Variants in GAN observed in about 807,000 individuals in gnomAD.
The protein encoded by GAN is epididymis secretory sperm binding protein.
In GAN, 48 loss-of-function variants were observed where a neutral mutation model predicts 71.3. That is an observed-to-expected ratio of 0.67 (90% CI 0.53 to 0.86). The LOEUF is 0.86. Among genes scored for constraint, GAN ranks in the 40% least tolerant of loss-of-function variants. GAN has a pLI of 0.00. For synonymous variants in GAN, 386 were observed against 276.8 expected, an observed-to-expected ratio of 1.39 and a Z score of -3.92; for missense variants, 928 against 770.1, an observed-to-expected ratio of 1.21 and a Z score of -2.43.
chr16:81,322,932 T>G (rs567259944), intron 1 of GAN, among the ~76,000 whole-genome samples: 3 of 152,296 alleles, frequency 2.0e-5, no homozygotes, highest in Non-Finnish European at 4.4e-5. Context: ...TCACTAGAAA[T>G]GAAGCCAGAA....
chr16:81,364,834 T>A, intron 7 of GAN, 140 bp from the exon 8 acceptor site: 1 of 837,440 alleles, frequency 1.2e-6, no homozygotes, highest in Non-Finnish European at 2.0e-6. Context: ...GTTGTAATAC[T>A]GAAAAGCACC....
chr16:81,355,640 A>G (rs776645700), intron 3 of GAN, among the ~76,000 whole-genome samples: 2 of 152,142 alleles, frequency 1.3e-5, no homozygotes, highest in Non-Finnish European at 2.9e-5. Context: ...TGGGATTACA[A>G]GTGTGAACCA....
rs200700104 is a variant in GAN at position 81,387,833 on chromosome 16, TAAA to T, written c.*10244_*10246del. On this transcript the variant is annotated 3_prime_UTR_variant, in exon 11 of 11. Transcript: ENST00000648994. ...TCTGTCTCACAAAAAAATAAAAAAT[TAAA>T]AAAAAAGGTCTGCTCAGAAATAGGG... The T allele has an allele frequency of 6.7e-6, 1 of 150,260 alleles. No individual in the cohort carries two copies. Among genetic ancestry groups the T allele is most frequent in the South Asian group, 2.1e-4 (1 of 4,726 alleles). The allele number at this position is 150,260 out of a possible 1,614,324, so 9.3% of individuals were successfully genotyped here. A position where few individuals can be genotyped will look rare whatever the true frequency, so the allele number is the denominator to read the frequency against.
chr16:81,324,622 T>C (rs1909322122), intron 1 of GAN, among the ~76,000 whole-genome samples: 1 of 152,006 alleles, frequency 6.6e-6, no homozygotes, highest in Admixed American at 6.6e-5. Flanking sequence ...TTAGACTGCT[T>C]CCAAAGAAGA....
chr16:81,358,147 G>T (rs1597403507), intron 5 of GAN, among the ~76,000 whole-genome samples: 1 of 152,140 alleles, frequency 6.6e-6, no homozygotes, highest in South Asian at 2.1e-4. Flanking sequence ...CTGCTTTTAA[G>T]AACTACTGGA....
At chr16:81,337,210 A>AG (rs1443936039) in intron 1 of GAN, among the ~76,000 whole-genome samples, 1 of 152,120 alleles carries the variant, frequency 6.6e-6, no homozygotes, top group Non-Finnish European at 1.5e-5. Flanking sequence ...GTAAATGAAG[A>AG]GGCTACACAG....
At chr16:81,344,345 A>G (rs536718068) in intron 1 of GAN, among the ~76,000 whole-genome samples, 3 of 152,340 alleles carry the variant, frequency 2.0e-5, no homozygotes, top group Middle Eastern at 3.4e-3. Context: ...GTCAGGAGGC[A>G]TCACGCTACC....
intron 1 of GAN, among the ~76,000 whole-genome samples, chr16:81,329,535 G>A (rs1909503160): frequency 2.0e-5 from 3 of 152,178 alleles, no homozygotes; most frequent in Admixed American, 2.0e-4. Flanking sequence ...TCAGTCTGCA[G>A]TTAGGCTCAT....
At position 81,384,027 on chromosome 16, in the gene GAN, A is replaced by G. The variant is rs1009207752; in HGVS notation, c.*6431A>G. 3.3e-5 allele frequency: 5 copies of G among 152,218 alleles called. No individual in the cohort carries two copies. The highest frequency in any genetic ancestry group is 9.6e-5 in the African/African-American group (4 of 41,460). The allele number at this position is 152,218 out of a possible 1,614,324, so 9.4% of individuals were successfully genotyped here. A position where few individuals can be genotyped will look rare whatever the true frequency, so the allele number is the denominator to read the frequency against. On this transcript the variant is annotated 3_prime_UTR_variant, in exon 11 of 11. Transcript: ENST00000648994. The stretch of plus-strand genomic sequence containing the variant: ...AACTTGGGTTAAATTTTTTCAAGTT[A>G]TACCAGTCAACTTGGTTTAAATACA...
chr16:81,342,014 C>T (rs187828271), intron 1 of GAN, among the ~76,000 whole-genome samples: 58 of 152,196 alleles, frequency 3.8e-4, no homozygotes, highest in Admixed American at 8.5e-4. Context: ...TTTAAACCAA[C>T]AAAGATCAGA....
Position 81,385,838 on chromosome 16 carries a change from C to G in GAN, c.*8242C>G, listed in dbSNP as rs924421727. On this transcript the variant is annotated 3_prime_UTR_variant, in exon 11 of 11. Coordinates refer to ENST00000648994, the MANE Select transcript of GAN (RefSeq NM_022041.4). ...CCAGGCTGGAGTGCAGTGGCGCCAT[C>G]TCCCAGGCTCAAGGGATCCTCCTGC... is the stretch of plus-strand genomic sequence containing the variant. The G allele has an allele frequency of 1.4e-5, 2 of 144,792 alleles. No individual in the cohort carries two copies. The highest frequency in any genetic ancestry group is 3.0e-5 in the Non-Finnish European group (2 of 67,064). 9.0% of individuals were successfully genotyped at this position (144,792 alleles called of 1,614,324 possible).
rs754295437 is a variant in GAN at position 81,357,901 on chromosome 16, C to T, written c.943C>T (p.Pro315Ser). ...LWIELAPLSM[P>S]RINHGVLSAE... ...GATCGAACTGGCCCCTTTAAGCATG[C>T]CGAGAATTAACCATGGAGTTCTCTC... The change falls in exon 5 of 11, where the codon CCG (proline) becomes TCG (serine). Residue 315 changes from proline to serine, a missense_variant. Coordinates refer to ENST00000648994, the MANE Select transcript of GAN (RefSeq NM_022041.4). The T allele has an allele frequency of 1.4e-5, 22 of 1,613,764 alleles. No individual in the cohort carries two copies. Among genetic ancestry groups the T allele is most frequent in the Non-Finnish European group, 1.7e-5 (20 of 1,179,734 alleles).
In GAN at chr16:81,340,586, A is replaced by G. The variant is rs369977470; in HGVS notation, c.168-10997A>G. Among the ~76,000 whole-genome samples the G allele has an allele frequency of 7.2e-5, 11 of 152,268 alleles. 1 individual carries two copies. Among genetic ancestry groups the G allele is most frequent in the African/African-American group, 2.6e-4 (11 of 41,524 alleles). On this transcript the variant is annotated intron_variant, in intron 1 of 10. Transcript: ENST00000648994. ...AAACTAACAAACAGAAAGGAATAGCATCAACATCAACAAAAAGGACATCCA... is the reference window on the plus strand; with the variant it reads ...AAACTAACAAACAGAAAGGAATAGCGTCAACATCAACAAAAAGGACATCCA...
intron 1 of GAN, among the ~76,000 whole-genome samples, chr16:81,326,197 G>C (rs1477815206): frequency 6.6e-6 from 1 of 152,134 alleles, no homozygotes; most frequent in African/African-American, 2.4e-5. Flanking sequence ...GGGGCACTCA[G>C]TCCGTAAGCA....
chr16:81,356,505 G>A (rs951691436), intron 3 of GAN, among the ~76,000 whole-genome samples: 1 of 152,088 alleles, frequency 6.6e-6, no homozygotes, highest in African/African-American at 2.4e-5. Flanking sequence ...TATTGAAATG[G>A]GAATCCTTTA....
At chr16:81,349,863 G>A (rs942540939) in intron 1 of GAN, among the ~76,000 whole-genome samples, 1 of 152,152 alleles carries the variant, frequency 6.6e-6, no homozygotes, top group Non-Finnish European at 1.5e-5. Context: ...TTGTTAGGTA[G>A]CAGGTAACAC....
At position 81,356,811 on chromosome 16, in the gene GAN, T is replaced by C. The variant is rs1555511259; in HGVS notation, c.660T>C (p.Ala220=). Reference sequence around the variant, plus strand: ...TCCACATGAAGGATGTTATGTCAGCTCTGTGGGTTTCAGGGTTGGACTCCA... The same window carrying C: ...TCCACATGAAGGATGTTATGTCAGCCCTGTGGGTTTCAGGGTTGGACTCCA... ...RKVHMKDVMS[A]LWVSGLDSSY... Residue 220 remains alanine, a synonymous_variant, in exon 4 of 11, where the codon GCT becomes GCC. Coordinates refer to ENST00000648994, the MANE Select transcript of GAN (RefSeq NM_022041.4). 9.3e-6 allele frequency: 15 copies of C among 1,613,300 alleles called. No homozygotes were observed. The highest frequency in any genetic ancestry group is 1.1e-5 in the Non-Finnish European group (13 of 1,179,222).
intron 1 of GAN, among the ~76,000 whole-genome samples, chr16:81,348,899 G>A (rs1040653961): frequency 1.3e-5 from 2 of 152,262 alleles, no homozygotes; most frequent in African/African-American, 4.8e-5. Context: ...TATTTTAGGA[G>A]CAGAGTTGAG....
At chr16:81,357,767 G>A (rs1264645100) in intron 4 of GAN, 43 bp from the exon 5 acceptor site, 1 of 1,582,644 alleles carries the variant, frequency 6.3e-7, no homozygotes, top group Non-Finnish European at 8.7e-7. Flanking sequence ...AAAAAGAACT[G>A]TATGAAGCAC....
Sources: gnomAD v4.1 joint callset for allele counts (sites outside exome capture counted in the v4.1 genomes callset) on GRCh38, gnomAD v4.1.1 for gene constraint, MANE v1.5 for transcripts, NCBI Gene and HGNC (gene_info 2026-07-23, HGNC 2026-07-21) for gene names.